PTP4A1: variants seen among roughly 807,000 people sequenced by gnomAD.
PTP4A1 encodes the protein protein tyrosine phosphatase 4A1.
A neutral mutation model predicts 20.5 loss-of-function variants in PTP4A1; 9 were observed. That is an observed-to-expected ratio of 0.44 (90% CI 0.26 to 0.77). The LOEUF (loss-of-function observed/expected upper bound fraction) is 0.77. PTP4A1 is among the 30% of genes least tolerant of loss of function. The pLI is 0.19. For missense variants in PTP4A1, 137 were observed against 218.8 expected (o/e 0.63, Z 2.36); for synonymous variants, 78 against 67.4 (o/e 1.16, Z -0.77).
rs542483940 is a variant in PTP4A1, at chr6:63,539,496, G to T, written c.-639-10804G>T. ...ATCTAAAAGAAAATAGGCAAAGGAT[G>T]GCCAGGTGTGTTGGCTCACTCCTGT... On this transcript the variant is annotated intron_variant, in intron 2 of 3. Coordinates refer to the PTP4A1 transcript ENST00000639568. Among the ~76,000 whole-genome samples, 12 of 152,296 alleles carry T rather than the reference G, an allele frequency of 7.9e-5. No homozygotes were observed. In the East Asian group the frequency reaches 2.3e-3, roughly 29 times the overall value.
At position 63,580,159 on chromosome 6, in the gene PTP4A1, C is replaced by A; in HGVS notation, c.507C>A (p.Asn169Lys). The A allele has an allele frequency of 6.2e-7, 1 of 1,610,564 alleles. No individual in the cohort carries two copies. The highest frequency in any genetic ancestry group is 8.5e-7 in the Non-Finnish European group (1 of 1,177,300). ...RFKDSNGHRN[N>K]CCIQ Reference sequence around the variant, plus strand: ...AAGATTCCAACGGTCATAGAAACAACTGTTGCATTCAATAAAATTGGGGTG... The same window carrying A: ...AAGATTCCAACGGTCATAGAAACAAATGTTGCATTCAATAAAATTGGGGTG... Residue 169 changes from asparagine to lysine, a missense_variant, in exon 6 of 6, where the codon AAC (asparagine) becomes AAA (lysine). Transcript: ENST00000626021.
At chr6:63,539,786 A>G (rs1227682913) in intron 2 of PTP4A1, among the ~76,000 whole-genome samples, 3 of 152,016 alleles carry the variant, frequency 2.0e-5, no homozygotes, top group Non-Finnish European at 4.4e-5. Context: ...AAAAATTGGC[A>G]AAGGATATGA....
intron 2 of PTP4A1, among the ~76,000 whole-genome samples, chr6:63,529,064 G>A (rs1775320850): frequency 6.7e-6 from 1 of 149,444 alleles, no homozygotes; most frequent in Non-Finnish European, 1.5e-5. Context: ...ACTCCAGCCT[G>A]GGCAACAAGA....
intron 3 of PTP4A1, among the ~76,000 whole-genome samples, chr6:63,561,077 G>A (rs946638432): frequency 5.3e-5 from 8 of 152,140 alleles, no homozygotes; most frequent in African/African-American, 1.7e-4. Flanking sequence ...ATAATTGAAA[G>A]CTTGTTTGTT....
At chr6:63,541,478 C>T (rs906449393) in intron 2 of PTP4A1, among the ~76,000 whole-genome samples, 3 of 151,914 alleles carry the variant, frequency 2.0e-5, no homozygotes, top group African/African-American at 7.3e-5. Flanking sequence ...GCCTGAACCC[C>T]GGAGGCAGAG....
chr6:63,574,857 G>C (rs1236882058), intron 1 of PTP4A1, among the ~76,000 whole-genome samples: 1 of 152,164 alleles, frequency 6.6e-6, no homozygotes, highest in African/African-American at 2.4e-5. Flanking sequence ...ACTACAATCT[G>C]TATTCACTGT....
At chr6:63,551,792 TG>T (rs1361677945) in intron 3 of PTP4A1, among the ~76,000 whole-genome samples, 1 of 150,734 alleles carries the variant, frequency 6.6e-6, no homozygotes, top group African/African-American at 2.4e-5. Flanking sequence ...GAACATGTGG[TG>T]TTTGGTTTTT....
chr6:63,552,373 A>C (rs1776489586), intron 3 of PTP4A1, among the ~76,000 whole-genome samples: 1 of 151,640 alleles, frequency 6.6e-6, no homozygotes, highest in African/African-American at 2.4e-5. Flanking sequence ...CCACTTTTTG[A>C]TGGGGTTGTT....
chr6:63,578,802 A>G, intron 3 of PTP4A1, 96 bp from the exon 4 acceptor site: 2 of 1,244,374 alleles, frequency 1.6e-6, no homozygotes, highest in Non-Finnish European at 2.1e-6. Context: ...TTAAAATGAG[A>G]ATGCTTTTGA....
intron 3 of PTP4A1, among the ~76,000 whole-genome samples, chr6:63,566,222 C>T (rs971688682): frequency 2.0e-5 from 3 of 152,192 alleles, no homozygotes; most frequent in Admixed American, 6.5e-5. Context: ...GAAAGCAGCT[C>T]TAAATGCCAG....
intron 1 of PTP4A1, among the ~76,000 whole-genome samples, chr6:63,525,677 T>C (rs1395785652): frequency 2.0e-5 from 3 of 152,180 alleles, no homozygotes; most frequent in Non-Finnish European, 2.9e-5. Context: ...AGCTTGTAGT[T>C]TCCAACAACC....
intron 1 of PTP4A1, among the ~76,000 whole-genome samples, chr6:63,522,796 T>C (rs949569459): frequency 1.3e-5 from 2 of 152,124 alleles, no homozygotes; most frequent in Non-Finnish European, 2.9e-5. Flanking sequence ...GGGTTCATTT[T>C]AATTACCATG....
upstream of PTP4A1, among the ~76,000 whole-genome samples, chr6:63,569,248 A>T (rs567873365): frequency 2.1e-3 from 315 of 152,238 alleles, 2 homozygotes; most frequent in African/African-American, 7.2e-3. Context: ...CTTCCATAAA[A>T]ATATCGCTTA....
At chr6:63,571,439 T>C (rs1271897950), upstream of PTP4A1, 4 of 152,212 alleles carry the variant, frequency 2.6e-5, no homozygotes, top group East Asian at 5.8e-4. Flanking sequence ...TTTCAGATTA[T>C]AAATAACAGA....
At chr6:63,525,362 G>C (rs1050748438) in intron 1 of PTP4A1, among the ~76,000 whole-genome samples, 4 of 152,188 alleles carry the variant, frequency 2.6e-5, no homozygotes, top group Admixed American at 2.0e-4. Context: ...CAATGGGGGA[G>C]CTAGAGAGAG....
chr6:63,520,602 G>C (rs1774883275), upstream of PTP4A1, among the ~76,000 whole-genome samples: 1 of 151,386 alleles, frequency 6.6e-6, no homozygotes, highest in Non-Finnish European at 1.5e-5. Context: ...CTTCACTCCA[G>C]CCTGGGTGAC....
chr6:63,542,796 C>T (rs1300809083), intron 2 of PTP4A1, among the ~76,000 whole-genome samples: 1 of 152,144 alleles, frequency 6.6e-6, no homozygotes, highest in Non-Finnish European at 1.5e-5. Context: ...TACATCCTTT[C>T]CATTGCTCTA....
chr6:63,542,586 C>T (rs1003149130), intron 2 of PTP4A1, among the ~76,000 whole-genome samples: 1 of 152,012 alleles, frequency 6.6e-6, no homozygotes, highest in Non-Finnish European at 1.5e-5. Flanking sequence ...AGTTTTTGCC[C>T]CAAGACTCAA....
chr6:63,580,257 G>C lies in PTP4A1; in HGVS notation c.*83G>C, dbSNP rs934725267. On this transcript the variant is annotated 3_prime_UTR_variant, in exon 6 of 6. Transcript: ENST00000626021. ...ACATATTAGCCAACATGTTGGCTTA[G>C]TAAGTCTAATGAAGCTTCCATAGGA... 144 of 1,157,584 alleles carry C rather than the reference G, an allele frequency of 1.2e-4. No homozygotes were observed. The highest frequency in any genetic ancestry group is 3.9e-4 in the Admixed American group (22 of 56,072). The allele number at this position is 1,157,584 out of a possible 1,614,324, so 71.7% of individuals were successfully genotyped here.
Sources: allele counts gnomAD v4.1 joint callset (sites outside exome capture counted in the v4.1 genomes callset), GRCh38; gene constraint gnomAD v4.1.1; transcripts MANE v1.5; gene names NCBI Gene and HGNC (gene_info 2026-07-23, HGNC 2026-07-21).